The following CACNA2D3 variants were observed in gnomAD, a reference collection of about 807,000 sequenced individuals.
CACNA2D3 encodes the protein calcium voltage-gated channel auxiliary subunit alpha2delta 3, also known as voltage-dependent calcium channel subunit alpha-2/delta-3.
A neutral mutation model predicts 160.6 loss-of-function variants in CACNA2D3; 60 were observed. The observed-to-expected ratio is 0.37, with a 90% confidence interval of 0.30 to 0.46. The LOEUF (loss-of-function observed/expected upper bound fraction) is 0.46, where lower values mean the gene tolerates loss of function less well. Among genes scored for constraint, CACNA2D3 ranks in the 20% least tolerant of loss-of-function variants. CACNA2D3 has a pLI of 1.00. For missense variants in CACNA2D3, 1,205 were observed against 1,365.0 expected, an observed-to-expected ratio of 0.88 and a Z score of 1.85; for synonymous variants, 558 against 492.9, an observed-to-expected ratio of 1.13 and a Z score of -1.75.
chr3:55,040,483 G>A (rs1703934194), intron 35 of CACNA2D3, among the ~76,000 whole-genome samples: 1 of 151,940 alleles, frequency 6.6e-6, no homozygotes, highest in African/African-American at 2.4e-5. Context: ...TTATTTTTAG[G>A]CTAAATCACA....
intron 11 of CACNA2D3, among the ~76,000 whole-genome samples, chr3:54,722,999 C>T (rs556438201): frequency 3.3e-5 from 5 of 152,328 alleles, no homozygotes; most frequent in South Asian, 2.1e-4. Context: ...CCCATAGCCG[C>T]CCCCTCCGCC....
rs113055285 is a variant in CACNA2D3 at position 54,862,378 on chromosome 3, T to TACACAC, written c.1627-9140_1627-9135dup. Reference sequence around the variant, plus strand: ...AACCAAGCATCTCCCTAAATAAAATTACACACACACACACACACACACACA... The same window carrying TACACAC: ...AACCAAGCATCTCCCTAAATAAAATTACACACACACACACACACACACACACACACA... On this transcript the variant is annotated intron_variant, in intron 17 of 37. Coordinates refer to ENST00000474759, the MANE Select transcript of CACNA2D3 (RefSeq NM_018398.3). 2.7e-3 allele frequency among the ~76,000 whole-genome samples: 397 copies of TACACAC among 149,664 alleles called. 4 individuals carry two copies. The highest frequency in any genetic ancestry group is 7.9e-3 in the East Asian group (40 of 5,036).
intron 14 of CACNA2D3, among the ~76,000 whole-genome samples, chr3:54,832,286 C>A (rs1225122199): frequency 6.6e-6 from 1 of 152,142 alleles, no homozygotes; most frequent in Non-Finnish European, 1.5e-5. Flanking sequence ...TGTGTGTGCA[C>A]ACTTCTGTGT....
chr3:55,042,002 T>C (rs1356901372), intron 35 of CACNA2D3, among the ~76,000 whole-genome samples: 1 of 152,160 alleles, frequency 6.6e-6, no homozygotes, highest in Non-Finnish European at 1.5e-5. Context: ...AACTCTGTTG[T>C]GGTTGGAAAT....
At chr3:54,178,658 T>C (rs1183337862) in intron 2 of CACNA2D3, among the ~76,000 whole-genome samples, 2 of 152,248 alleles carry the variant, frequency 1.3e-5, no homozygotes, top group Non-Finnish European at 2.9e-5. Context: ...CCAGTCTGCA[T>C]CTTTAACAGA....
intron 27 of CACNA2D3, chr3:54,919,014 T>A: frequency 1.3e-6 from 1 of 763,422 alleles, no homozygotes; most frequent in Non-Finnish European, 1.9e-6. Context: ...TTTTAAATCC[T>A]GGAGTCAAAG....
intron 13 of CACNA2D3, among the ~76,000 whole-genome samples, 190 bp downstream of exon 13, chr3:54,764,541 A>C (rs1184726671): frequency 6.6e-6 from 1 of 152,214 alleles, no homozygotes; most frequent in Non-Finnish European, 1.5e-5. Flanking sequence ...AGAAAGTATG[A>C]CACGTACTTC....
At chr3:54,894,947 C>T (rs1700155140) in intron 25 of CACNA2D3, among the ~76,000 whole-genome samples, 1 of 151,404 alleles carries the variant, frequency 6.6e-6, no homozygotes, top group Non-Finnish European at 1.5e-5. Context: ...TTGCACATGA[C>T]TCCAAAGTTG....
chr3:54,376,453 G>A (rs1235687050), intron 3 of CACNA2D3, among the ~76,000 whole-genome samples: 2 of 152,190 alleles, frequency 1.3e-5, no homozygotes, highest in African/African-American at 4.8e-5. Flanking sequence ...TCTGTGCTTT[G>A]TTTTATAGAG....
At chr3:54,438,342 G>A (rs1454682944) in intron 4 of CACNA2D3, among the ~76,000 whole-genome samples, 2 of 152,146 alleles carry the variant, frequency 1.3e-5, no homozygotes, top group South Asian at 2.1e-4. Flanking sequence ...ACTAATTTGT[G>A]TTTCATGATA....
chr3:54,789,340 A>C (rs1702701751), intron 13 of CACNA2D3, among the ~76,000 whole-genome samples: 1 of 152,212 alleles, frequency 6.6e-6, no homozygotes, highest in Non-Finnish European at 1.5e-5. Flanking sequence ...TGAGTTATTA[A>C]AGCATTAAGA....
At chr3:54,561,075 C>A (rs540500383) in intron 5 of CACNA2D3, among the ~76,000 whole-genome samples, 1 of 152,264 alleles carries the variant, frequency 6.6e-6, no homozygotes, top group South Asian at 2.1e-4. Flanking sequence ...TTTTTAGTTT[C>A]ATATGAATTT....
intron 27 of CACNA2D3, among the ~76,000 whole-genome samples, chr3:54,949,913 A>G (rs920845090): frequency 2.0e-5 from 3 of 152,162 alleles, no homozygotes; most frequent in African/African-American, 7.2e-5. Flanking sequence ...TGTCTAGTCT[A>G]CCTGAGGGCC....
At chr3:54,737,956 A>G (rs1042574651) in intron 11 of CACNA2D3, among the ~76,000 whole-genome samples, 2 of 152,118 alleles carry the variant, frequency 1.3e-5, no homozygotes, top group African/African-American at 4.8e-5. Context: ...GTGAGCCACC[A>G]TGCCCAGCCA....
intron 35 of CACNA2D3, among the ~76,000 whole-genome samples, chr3:55,026,840 A>G (rs572687821): frequency 2.0e-4 from 31 of 152,342 alleles, no homozygotes; most frequent in African/African-American, 7.5e-4. Context: ...GGAACCACTG[A>G]AAGGTTTTAA....
intron 26 of CACNA2D3, among the ~76,000 whole-genome samples, chr3:54,897,812 A>T (rs1700226535): frequency 6.6e-6 from 1 of 152,246 alleles, no homozygotes; most frequent in Non-Finnish European, 1.5e-5. Context: ...GTAGAAAGCA[A>T]AGAGTGCTCT....
chr3:54,867,636 A>G (rs746795025), intron 17 of CACNA2D3, among the ~76,000 whole-genome samples: 10 of 152,018 alleles, frequency 6.6e-5, no homozygotes, highest in East Asian at 1.9e-4. Flanking sequence ...AGGTGCACAC[A>G]CCACCTTTTC....
intron 23 of CACNA2D3, among the ~76,000 whole-genome samples, chr3:54,886,984 G>GTGATAA (rs1420997407): frequency 2.5e-5 from 3 of 119,286 alleles, no homozygotes; most frequent in African/African-American, 1.0e-4. Flanking sequence ...CCTGTCCCAT[G>GTGATAA]TGATAATTAG....
intron 3 of CACNA2D3, among the ~76,000 whole-genome samples, chr3:54,363,922 TG>T (rs1698786477): frequency 6.6e-6 from 1 of 152,220 alleles, no homozygotes; most frequent in Non-Finnish European, 1.5e-5. Flanking sequence ...CACCGATGGC[TG>T]CCCTTACTTC....
Sources: gnomAD v4.1 joint callset for allele counts (sites outside exome capture counted in the v4.1 genomes callset) on GRCh38, gnomAD v4.1.1 for gene constraint, MANE v1.5 for transcripts, NCBI Gene and HGNC (gene_info 2026-07-23, HGNC 2026-07-21) for gene names.